Variants in CCSER1 observed in about 807,000 individuals in gnomAD.
CCSER1 encodes serine-rich coiled-coil domain-containing protein 1.
CCSER1 carries 41 observed loss-of-function variants against 82.0 expected under a neutral mutation model. The observed-to-expected ratio is 0.50, with a 90% CI of 0.39 to 0.65. The LOEUF is 0.65. Ranked by LOEUF, CCSER1 falls within the 30% of genes least tolerant of loss-of-function variation. The pLI, the probability that CCSER1 is intolerant of heterozygous loss-of-function variation, is 0.00. For missense variants in CCSER1, 1,119 were observed against 1,064.2 expected (o/e 1.05, Z -0.72); for synonymous variants, 414 against 383.9 (o/e 1.08, Z -0.92).
At chr4:91,493,263 G>A (rs1468089876) in intron 10 of CCSER1, among the ~76,000 whole-genome samples, 2 of 151,668 alleles carry the variant, frequency 1.3e-5, no homozygotes, top group Non-Finnish European at 2.9e-5. Context: ...ATGTTTTCCT[G>A]TGTTACCTTC....
intron 10 of CCSER1, among the ~76,000 whole-genome samples, chr4:91,160,032 T>C (rs898965866): frequency 6.6e-6 from 1 of 151,918 alleles, no homozygotes; most frequent in Non-Finnish European, 1.5e-5. Context: ...TTTCTCCTAA[T>C]GCTATCCCTC....
chr4:90,569,791 A>G (rs1393742457), intron 5 of CCSER1, among the ~76,000 whole-genome samples: 1 of 152,186 alleles, frequency 6.6e-6, no homozygotes, highest in Non-Finnish European at 1.5e-5. Flanking sequence ...AGGAGAGAGC[A>G]GGGCCACCAC....
chr4:91,029,302 G>A (rs1412723260), intron 9 of CCSER1, among the ~76,000 whole-genome samples: 16 of 151,578 alleles, frequency 1.1e-4, no homozygotes, highest in Admixed American at 8.6e-4. Flanking sequence ...ATACATGAAC[G>A]TGTAAAAGAT....
In CCSER1 at chr4:90,852,782, A is replaced by C. The variant is rs1764035382; in HGVS notation, c.2094+36937A>C. On this transcript the variant is annotated intron_variant, in intron 8 of 10. Coordinates refer to ENST00000509176, the MANE Select transcript of CCSER1 (RefSeq NM_001145065.2). ...AATCCTTGTTACAAGCAAATAATTA[A>C]TTGTATCTTTGCTTTAATTTGACAA... Among the ~76,000 whole-genome samples, 3 of 152,348 alleles carry C rather than the reference A, an allele frequency of 2.0e-5. No individual in the cohort carries two copies. In the East Asian group the frequency reaches 5.8e-4, roughly 29 times the overall value.
At chr4:91,186,095 C>T (rs1021539629) in intron 10 of CCSER1, among the ~76,000 whole-genome samples, 9 of 152,274 alleles carry the variant, frequency 5.9e-5, no homozygotes, top group Admixed American at 3.3e-4. Flanking sequence ...TAAGAGCGAT[C>T]GCTCGAGGCG....
At chr4:90,129,794 A>G (rs1338111546) in intron 1 of CCSER1, among the ~76,000 whole-genome samples, 1 of 152,206 alleles carries the variant, frequency 6.6e-6, no homozygotes, top group Non-Finnish European at 1.5e-5. Flanking sequence ...GATTTATATT[A>G]CTTTGAAATA....
chr4:90,245,755 T>C (rs1721305389), intron 1 of CCSER1, among the ~76,000 whole-genome samples: 1 of 152,194 alleles, frequency 6.6e-6, no homozygotes, highest in South Asian at 2.1e-4. Context: ...CACCTTCTGG[T>C]GTTTGTGAAA....
At chr4:90,960,856 C>A (rs1171350684) in intron 9 of CCSER1, among the ~76,000 whole-genome samples, 1 of 152,154 alleles carries the variant, frequency 6.6e-6, no homozygotes, top group East Asian at 1.9e-4. Context: ...TATGTTAAGA[C>A]ACTGCTACAA....
At chr4:90,726,887 G>A (rs1743737638) in intron 7 of CCSER1, among the ~76,000 whole-genome samples, 1 of 152,110 alleles carries the variant, frequency 6.6e-6, no homozygotes, top group South Asian at 2.1e-4. Context: ...TCTCCATCTA[G>A]ACAGGGTACA....
rs1215908211 is a variant in CCSER1 at position 91,010,571 on chromosome 4, A to G, written c.2173-75379A>G. 3.0e-5 allele frequency among the ~76,000 whole-genome samples: 4 copies of G among 134,982 alleles called. 2 individuals carry two copies. The highest frequency in any genetic ancestry group is 4.8e-4 in the East Asian group (2 of 4,208). The allele number at this position is 134,982 out of a possible 152,430, so 88.6% of individuals were successfully genotyped here. On this transcript the variant is annotated intron_variant, in intron 9 of 10. Transcript: ENST00000509176. ...TTGTTTGTTTACTTAATGGTGTCCC[A>G]TAAGTCCCACAGGCTGTCTTAATTC...
intron 1 of CCSER1, among the ~76,000 whole-genome samples, chr4:90,287,122 G>A (rs942233909): frequency 1.3e-4 from 20 of 151,710 alleles, no homozygotes; most frequent in African/African-American, 4.8e-4. Flanking sequence ...ATAGGACTTT[G>A]CTACTGCTCC....
chr4:91,142,354 T>C (rs376908593), intron 10 of CCSER1, among the ~76,000 whole-genome samples: 8 of 152,322 alleles, frequency 5.3e-5, no homozygotes, highest in African/African-American at 1.9e-4. Context: ...TGTGAATCCA[T>C]TAAACCTCTT....
At chr4:91,455,763 T>C (rs1431363771) in intron 10 of CCSER1, among the ~76,000 whole-genome samples, 3 of 151,858 alleles carry the variant, frequency 2.0e-5, no homozygotes, top group Admixed American at 1.3e-4. Flanking sequence ...TTGGAAGCAA[T>C]TGGATTGGGT....
At chr4:90,283,228 G>A (rs563640607) in intron 1 of CCSER1, among the ~76,000 whole-genome samples, 1 of 151,846 alleles carries the variant, frequency 6.6e-6, no homozygotes, top group African/African-American at 2.4e-5. Context: ...CACCATCCCC[G>A]ATCCCATGCA....
intron 7 of CCSER1, among the ~76,000 whole-genome samples, chr4:90,751,122 A>C (rs935279292): frequency 4.6e-5 from 7 of 152,114 alleles, no homozygotes; most frequent in Admixed American, 2.0e-4. Flanking sequence ...CATATTCTAA[A>C]ATTTTCTCCT....
chr4:91,538,148 C>T (rs145157899), intron 10 of CCSER1, among the ~76,000 whole-genome samples: 147 of 152,036 alleles, frequency 9.7e-4, no homozygotes, highest in African/African-American at 3.2e-3. Flanking sequence ...CTTGTTTACT[C>T]TAATGAAAGA....
chr4:91,218,295 A>G (rs2149095704), intron 10 of CCSER1, among the ~76,000 whole-genome samples: 1 of 152,274 alleles, frequency 6.6e-6, no homozygotes, highest in East Asian at 1.9e-4. Flanking sequence ...ACCCACCCGG[A>G]ACTCCAGCTG....
At chr4:91,467,115 G>C (rs940837828) in intron 10 of CCSER1, among the ~76,000 whole-genome samples, 1 of 152,058 alleles carries the variant, frequency 6.6e-6, no homozygotes, top group African/African-American at 2.4e-5. Context: ...ATACTACAAG[G>C]CTACAGTGAC....
At chr4:90,780,291 AG>A (rs1431488866) in intron 7 of CCSER1, 3 of 832,476 alleles carry the variant, frequency 3.6e-6, no homozygotes, top group Non-Finnish European at 5.6e-6. Flanking sequence ...ATCCTAAAAA[AG>A]TAAGTCTAAA....
Sources: gnomAD v4.1 joint callset for allele counts (sites outside exome capture counted in the v4.1 genomes callset) on GRCh38, gnomAD v4.1.1 for gene constraint, MANE v1.5 for transcripts, NCBI Gene and HGNC (gene_info 2026-07-23, HGNC 2026-07-21) for gene names.